Variants in ZNF195 observed in about 807,000 individuals in gnomAD.
The protein encoded by ZNF195 is hypoxia-regulated factor-1.
A neutral mutation model predicts 19.5 loss-of-function variants in ZNF195; 11 were observed. That is an observed-to-expected ratio of 0.57 (90% CI 0.36 to 0.94). ZNF195 has a LOEUF of 0.94. ZNF195 is among the 40% of genes least tolerant of loss of function. The pLI is 0.01. For missense variants in ZNF195, 582 were observed against 709.0 expected, an observed-to-expected ratio of 0.82 and a Z score of 2.03; for synonymous variants, 214 against 248.1, an observed-to-expected ratio of 0.86 and a Z score of 1.29.
chr11:3,359,385 C>G lies in ZNF195; in HGVS notation c.1623G>C (p.Lys541Asn), dbSNP rs370689553. 1.2e-6 allele frequency: 2 copies of G among 1,614,022 alleles called. No homozygotes were observed. Among genetic ancestry groups the G allele is most frequent in the African/African-American group, 1.3e-5 (1 of 74,908 alleles). The change falls in exon 6 of 6, where the codon AAG (lysine) becomes AAC (asparagine). Residue 541 changes from lysine to asparagine, a missense_variant. Physicochemically the swap from Lys to Asn is moderately conservative, Grantham distance 94 (BLOSUM62 0). Transcript: ENST00000399602. This position sits in a 1 kb window ranked among gnomAD's most constrained non-coding sequence, Gnocchi z 5.5. ...FTQSSNLIVH[K>N]RIHTGEKPYK... Reference sequence around the variant, plus strand: ...AGGGTTTCTCTCCAGTATGAATTCTCTTATGTACAATAAGGTTGGAGGACT... The same window carrying G: ...AGGGTTTCTCTCCAGTATGAATTCTGTTATGTACAATAAGGTTGGAGGACT...
chr11:3,358,248 A>G lies in ZNF195; in HGVS notation c.*870T>C, dbSNP rs2106208. On this transcript the variant is annotated 3_prime_UTR_variant, in exon 6 of 6. Transcript: ENST00000399602. ...GTTTTTTGCCCTGGGGTAGCTGTGC[A>G]GAGAGCACAAGGGACCGTATTGTAA... 0.91 allele frequency: 138,790 copies of G among 152,262 alleles called. 63,337 individuals are homozygous for G. The highest frequency in any genetic ancestry group is 0.99 in the East Asian group (5,146 of 5,180). The allele number at this position is 152,262 out of a possible 1,614,324, so 9.4% of individuals were successfully genotyped here.
intron 3 of ZNF195, among the ~76,000 whole-genome samples, chr11:3,363,964 T>C (rs1473494930): frequency 6.6e-6 from 1 of 152,098 alleles, no homozygotes; most frequent in African/African-American, 2.4e-5. Flanking sequence ...TTACAAAAAA[T>C]ACATAGCAGA....
intron 1 of ZNF195, among the ~76,000 whole-genome samples, chr11:3,374,070 C>T (rs1849340710): frequency 6.6e-6 from 1 of 152,198 alleles, no homozygotes; most frequent in Non-Finnish European, 1.5e-5. Context: ...TGCTTCCACC[C>T]AAACCAATAG....
At position 3,359,764 on chromosome 11, in the gene ZNF195, C is replaced by T; in HGVS notation, c.1244G>A (p.Cys415Tyr). The T allele has an allele frequency of 6.2e-7, 1 of 1,614,212 alleles. No individual in the cohort carries two copies. Among genetic ancestry groups the T allele is most frequent in the Non-Finnish European group, 8.5e-7 (1 of 1,180,038 alleles). The part of the protein sequence containing the change: ...IGGKPFKCEE[C>Y]DSIFKWFSDL... ...TGAGAACCACTTGAAGATGCTGTCA[C>T]ATTCCTCACATTTGAAAGGTTTCCC... The change falls in exon 6 of 6, where the codon TGT becomes TAT. Residue 415 changes from cysteine (C) to tyrosine (Y), a missense_variant. Transcript: ENST00000399602. This position sits in a 1 kb window ranked among gnomAD's most constrained non-coding sequence, Gnocchi z 5.5.
At position 3,370,959 on chromosome 11, in the gene ZNF195, G is replaced by A. The variant is rs760299558; in HGVS notation, c.226+16C>T. The A allele has an allele frequency of 1.2e-5, 20 of 1,613,250 alleles. No individual in the cohort carries two copies. Among genetic ancestry groups the A allele is most frequent in the Middle Eastern group, 3.3e-4 (2 of 6,082 alleles). ...ACCTCTCACCTGGGTTACCTGCTTC[G>A]TTCATTCCCACCCACCTGGATGTCC... On this transcript the variant is annotated intron_variant, in intron 3 of 5. Transcript: ENST00000399602.
chr11:3,359,407 G>A lies in ZNF195; in HGVS notation c.1601C>T (p.Ser534Phe), dbSNP rs1190840865. Residue 534 changes from serine (S) to phenylalanine (F), a missense_variant, in exon 6 of 6, where the codon TCC becomes TTC. Ser to Phe is a radical substitution (Grantham distance 155, BLOSUM62 -2). This residue lies in a region of ZNF195 where 407 missense variants were observed against 530.5 expected (regional missense o/e 0.77). Coordinates refer to ENST00000399602, the MANE Select transcript of ZNF195 (RefSeq NM_001130520.3). The surrounding 1 kb of genome is among the most constrained non-coding windows in gnomAD (Gnocchi z 5.5). ...TCTCTTATGTACAATAAGGTTGGAG[G>A]ACTGGGTAAAGTTTTTTCCACATTC... ...CDECGKNFTQ[S>F]SNLIVHKRIH... 6.2e-7 allele frequency: 1 copy of A among 1,614,112 alleles called. No individual in the cohort carries two copies. Among genetic ancestry groups the A allele is most frequent in the South Asian group, 1.1e-5 (1 of 91,066 alleles).
At chr11:3,378,672 T>A (rs1849592306) in intron 1 of ZNF195, among the ~76,000 whole-genome samples, 1 of 152,232 alleles carries the variant, frequency 6.6e-6, no homozygotes, top group Non-Finnish European at 1.5e-5. Flanking sequence ...TTTGCTCAAA[T>A]AAAACTCTTT....
At chr11:3,376,225 A>T (rs1214584698) in intron 1 of ZNF195, among the ~76,000 whole-genome samples, 1 of 151,726 alleles carries the variant, frequency 6.6e-6, no homozygotes, top group Non-Finnish European at 1.5e-5. Flanking sequence ...AGTCTGGCGC[A>T]CCCGCAGGGG....
chr11:3,378,861 G>A (rs989684327), intron 1 of ZNF195, among the ~76,000 whole-genome samples, 177 bp downstream of exon 1: 2 of 152,204 alleles, frequency 1.3e-5, no homozygotes, highest in Non-Finnish European at 2.9e-5. Flanking sequence ...TTGGGCCAAA[G>A]CCGCTCTGCA....
chr11:3,359,308 T>C lies in ZNF195; in HGVS notation c.1700A>G (p.Lys567Arg), dbSNP rs754771154. 9 of 1,612,432 alleles carry C rather than the reference T, an allele frequency of 5.6e-6. No homozygotes were observed. The highest frequency in any genetic ancestry group is 1.6e-4 in the Middle Eastern group (1 of 6,084). ...RVFMWFSDIT[K>R]HKKTHTGEKP... ...CTCTCCAGTATGGGTTTTCTTATGT[T>C]TGGTAATGTCTGAGAACCACATGAA... is the stretch of plus-strand genomic sequence containing the variant. The change falls in exon 6 of 6, where the codon AAA becomes AGA. Residue 567 changes from lysine (K) to arginine (R), a missense_variant. By Grantham distance (26) the Lys-to-Arg change is conservative (BLOSUM62 2). This residue lies in a region of ZNF195 where 407 missense variants were observed against 530.5 expected (regional missense o/e 0.77). Coordinates refer to ENST00000399602, the MANE Select transcript of ZNF195 (RefSeq NM_001130520.3). This position sits in a 1 kb window ranked among gnomAD's most constrained non-coding sequence, Gnocchi z 5.5.
At chr11:3,373,986 C>T (rs1315085450) in intron 1 of ZNF195, among the ~76,000 whole-genome samples, 3 of 152,206 alleles carry the variant, frequency 2.0e-5, no homozygotes, top group Non-Finnish European at 4.4e-5. Flanking sequence ...CGTACAAATG[C>T]ATCTGAAACC....
chr11:3,359,377 T>C lies in ZNF195; in HGVS notation c.1631A>G (p.His544Arg), dbSNP rs376323132. The C allele has an allele frequency of 1.9e-6, 3 of 1,614,062 alleles. No homozygotes were observed. The highest frequency in any genetic ancestry group is 2.5e-6 in the Non-Finnish European group (3 of 1,180,028). Residue 544 changes from histidine (H) to arginine (R), a missense_variant, in exon 6 of 6, where the codon CAT (histidine) becomes CGT (arginine). By Grantham distance (29) the His-to-Arg change is conservative. Transcript: ENST00000399602. The surrounding 1 kb of genome is among the most constrained non-coding windows in gnomAD (Gnocchi z 5.5). ...SSNLIVHKRI[H>R]TGEKPYKCEE... ...ACACTTGTAGGGTTTCTCTCCAGTA[T>C]GAATTCTCTTATGTACAATAAGGTT...
rs545390138 is a variant in ZNF195 at position 3,369,649 on chromosome 11, C to T, written c.226+1326G>A. The T allele has an allele frequency of 1.8e-4, 51 of 290,994 alleles. No homozygotes were observed. In the East Asian group the frequency reaches 5.0e-3, roughly 28 times the overall value. 18.0% of individuals were successfully genotyped at this position (290,994 alleles called of 1,614,324 possible). A position where few individuals can be genotyped will look rare whatever the true frequency, so the allele number is the denominator to read the frequency against. ...CTCAGCCAGGCCCCAAAGACAGAGA[C>T]TGCACGTTCCCCCTCAGACGTGGAA... On this transcript the variant is annotated intron_variant, in intron 3 of 5. Transcript: ENST00000399602.
chr11:3,377,632 G>C, intron 1 of ZNF195: 1 of 1,236,258 alleles, frequency 8.1e-7, no homozygotes, highest in Non-Finnish European at 1.1e-6. Context: ...TAGAGGAAGA[G>C]TAGACCAGGA....
intron 4 of ZNF195, 118 bp from the exon 5 acceptor site, chr11:3,360,906 A>C: frequency 1.1e-6 from 1 of 872,660 alleles, no homozygotes; most frequent in South Asian, 2.4e-5. Context: ...CTTCTCCTTC[A>C]AAAGAGAAAG....
chr11:3,369,543 A>C (rs1184449863), intron 3 of ZNF195: 1 of 443,254 alleles, frequency 2.3e-6, no homozygotes, highest in Non-Finnish European at 4.6e-6. Context: ...AGACAATAGA[A>C]TATTACTCAG....
intron 5 of ZNF195, 63 bp from the exon 6 acceptor site, chr11:3,360,628 A>C: frequency 7.7e-6 from 12 of 1,553,618 alleles, no homozygotes; most frequent in Non-Finnish European, 9.5e-6. Flanking sequence ...TTATGAATCT[A>C]ATCTATAAAA....
chr11:3,375,151 T>G (rs1478871216), intron 1 of ZNF195, among the ~76,000 whole-genome samples: 1 of 152,166 alleles, frequency 6.6e-6, no homozygotes, highest in Non-Finnish European at 1.5e-5. Context: ...CAGACCTGGA[T>G]GAGACTCAGA....
At chr11:3,368,809 A>T (rs759938763) in intron 3 of ZNF195, 1 of 455,132 alleles carries the variant, frequency 2.2e-6, no homozygotes, top group East Asian at 7.0e-5. Flanking sequence ...TCACAAGTTC[A>T]CGAAGAAGAT....
Sources: allele counts gnomAD v4.1 joint callset (sites outside exome capture counted in the v4.1 genomes callset), GRCh38; gene constraint gnomAD v4.1.1; regional missense constraint gnomAD v4.1.1; non-coding constraint Gnocchi (gnomAD v3.1); transcripts MANE v1.5; gene names NCBI Gene and HGNC (gene_info 2026-07-23, HGNC 2026-07-21).